The following KCNH1 variants were observed in gnomAD, a reference collection of about 807,000 sequenced individuals.
KCNH1 encodes the protein potassium voltage-gated channel subfamily H member 1.
In KCNH1, 27 loss-of-function variants were observed where a neutral mutation model predicts 69.2. The observed-to-expected ratio is 0.39, with a 90% CI of 0.29 to 0.54. The LOEUF (loss-of-function observed/expected upper bound fraction) is 0.54. Ranked by LOEUF, KCNH1 falls within the 20% of genes least tolerant of loss-of-function variation. The probability of loss-of-function intolerance (pLI) is 0.68; values close to 1 mark genes in which losing one functional copy is unlikely to be tolerated. For synonymous variants in KCNH1, 456 were observed against 487.7 expected (o/e 0.93, Z 0.86); for missense variants, 798 against 1,261.6 (o/e 0.63, Z 5.57).
At chr1:210,824,062 A>G (rs532427048) in intron 7 of KCNH1, among the ~76,000 whole-genome samples, 2 of 152,084 alleles carry the variant, frequency 1.3e-5, no homozygotes, top group Admixed American at 1.3e-4. Context: ...TGGCCTCCCA[A>G]AGTGTTGAGA....
At chr1:210,724,272 T>C (rs1682539020) in intron 10 of KCNH1, among the ~76,000 whole-genome samples, 1 of 152,192 alleles carries the variant, frequency 6.6e-6, no homozygotes, top group Non-Finnish European at 1.5e-5. Context: ...ATTAAGCCAA[T>C]TAAATCAGAA....
chr1:210,849,449 C>T (rs1685636156), intron 7 of KCNH1, among the ~76,000 whole-genome samples: 1 of 150,282 alleles, frequency 6.7e-6, no homozygotes, highest in African/African-American at 2.5e-5. Flanking sequence ...TCACTGCAAC[C>T]TCCACCTCCC....
chr1:210,898,414 TAC>T (rs1558516599), intron 7 of KCNH1, among the ~76,000 whole-genome samples: 1 of 152,160 alleles, frequency 6.6e-6, no homozygotes. Flanking sequence ...TCTGGTGGCT[TAC>T]AGTCTTGAGA....
Position 210,861,192 on chromosome 1 carries a change from C to T in KCNH1, c.1463-57026G>A, listed in dbSNP as rs1213649175. 3.1e-6 allele frequency: 3 copies of T among 963,522 alleles called. No homozygotes were observed. The African/African-American group carries it at 4.8e-5, about 15-fold the overall frequency. The allele number at this position is 963,522 out of a possible 1,614,324, so 59.7% of individuals were successfully genotyped here. On this transcript the variant is annotated intron_variant, in intron 7 of 10. Transcript: ENST00000271751. ...TCTTCTTCCCAAAGTTCCTCATCAG[C>T]ATCTGTATAACACATCAATGGAAAA...
intron 6 of KCNH1, among the ~76,000 whole-genome samples, chr1:210,990,184 T>C (rs1230238492): frequency 6.6e-6 from 1 of 152,228 alleles, no homozygotes; most frequent in Non-Finnish European, 1.5e-5. Flanking sequence ...CTTGCCAAAG[T>C]GCCCTTTATC....
chr1:210,955,279 G>A (rs1688148718), intron 6 of KCNH1, among the ~76,000 whole-genome samples: 1 of 152,186 alleles, frequency 6.6e-6, no homozygotes, highest in Non-Finnish European at 1.5e-5. Context: ...TTTGGTACCA[G>A]AAGCATGCTG....
chr1:210,986,636 T>A (rs1169865155), intron 6 of KCNH1, among the ~76,000 whole-genome samples: 1 of 152,210 alleles, frequency 6.6e-6, no homozygotes, highest in East Asian at 1.9e-4. Context: ...GCTTGTAGAA[T>A]TTCTGCTGAG....
At chr1:210,884,279 A>C (rs1243446444) in intron 7 of KCNH1, among the ~76,000 whole-genome samples, 1 of 152,134 alleles carries the variant, frequency 6.6e-6, no homozygotes, top group Non-Finnish European at 1.5e-5. Context: ...TATCTACATC[A>C]AAGCAACCTC....
chr1:211,062,005 C>A (rs1333108330), intron 5 of KCNH1, among the ~76,000 whole-genome samples: 2 of 152,014 alleles, frequency 1.3e-5, no homozygotes, highest in Non-Finnish European at 2.9e-5. Context: ...CCAGAATAGC[C>A]AAAGCTATTC....
intron 7 of KCNH1, among the ~76,000 whole-genome samples, chr1:210,835,808 G>T (rs1409123275): frequency 6.6e-6 from 1 of 152,022 alleles, no homozygotes; most frequent in African/African-American, 2.4e-5. Flanking sequence ...ACTGGTTTCT[G>T]GCCTCAATGA....
intron 7 of KCNH1, among the ~76,000 whole-genome samples, chr1:210,846,956 G>A (rs1685564827): frequency 6.6e-6 from 1 of 152,192 alleles, no homozygotes; most frequent in Non-Finnish European, 1.5e-5. Context: ...AGACATTTAT[G>A]CAGACAAAAA....
intron 10 of KCNH1, among the ~76,000 whole-genome samples, chr1:210,757,122 CTT>C (rs1270287155): frequency 4.9e-4 from 75 of 152,282 alleles, no homozygotes; most frequent in African/African-American, 1.6e-3. Flanking sequence ...CCAATGGGCC[CTT>C]TGTAGCCCTG....
intron 7 of KCNH1, among the ~76,000 whole-genome samples, chr1:210,896,538 A>G (rs993761644): frequency 7.2e-5 from 11 of 152,228 alleles, no homozygotes; most frequent in Admixed American, 7.2e-4. Flanking sequence ...AACAGTAAGC[A>G]GACAGAATAA....
chr1:210,835,289 G>T (rs575171657), intron 7 of KCNH1, among the ~76,000 whole-genome samples: 1 of 90,828 alleles, frequency 1.1e-5, no homozygotes, highest in Non-Finnish European at 2.3e-5. Context: ...TATTTTGTGA[G>T]ACCAAGTATT....
chr1:210,976,986 C>T (rs572893139), intron 6 of KCNH1, among the ~76,000 whole-genome samples: 1 of 147,534 alleles, frequency 6.8e-6, no homozygotes, highest in Non-Finnish European at 1.5e-5. Context: ...AAAACATGCT[C>T]CTATAAAGAC....
chr1:210,687,487 C>T (rs1223283573), intron 10 of KCNH1, among the ~76,000 whole-genome samples: 1 of 152,198 alleles, frequency 6.6e-6, no homozygotes, highest in African/African-American at 2.4e-5. Context: ...TGCTAGGCAG[C>T]CCCCTGAACA....
At chr1:211,126,113 C>T (rs897495336) in intron 1 of KCNH1, among the ~76,000 whole-genome samples, 1 of 152,196 alleles carries the variant, frequency 6.6e-6, no homozygotes, top group African/African-American at 2.4e-5. Flanking sequence ...GCCTGTAATC[C>T]CAGCACTTTG....
intron 3 of KCNH1, 98 bp from the exon 4 acceptor site, chr1:211,090,788 C>A (rs1691038020): frequency 3.6e-6 from 4 of 1,124,830 alleles, no homozygotes; most frequent in Non-Finnish European, 3.8e-6. Flanking sequence ...AATATTAATT[C>A]ATTTTTTAAA....
chr1:211,051,361 A>G (rs564434747), intron 5 of KCNH1, among the ~76,000 whole-genome samples: 1 of 152,202 alleles, frequency 6.6e-6, no homozygotes, highest in East Asian at 1.9e-4. Context: ...CTGAAACCAA[A>G]GCTTTCCCAG....
Sources: allele counts gnomAD v4.1 joint callset (sites outside exome capture counted in the v4.1 genomes callset), GRCh38; gene constraint gnomAD v4.1.1; transcripts MANE v1.5; gene names NCBI Gene and HGNC (gene_info 2026-07-23, HGNC 2026-07-21).